ANKDD1A: variants seen among roughly 807,000 people sequenced by gnomAD.
ANKDD1A encodes ankyrin repeat and death domain containing 1A.
A neutral mutation model predicts 63.5 loss-of-function variants in ANKDD1A; 59 were observed. The ratio of observed to expected loss-of-function variants is 0.93; its 90% CI spans 0.75 to 1.15. The LOEUF is 1.15. ANKDD1A is among the 50% of genes most tolerant of loss of function. The pLI, the probability that ANKDD1A is intolerant of heterozygous loss-of-function variation, is 0.00. For synonymous variants in ANKDD1A, 266 were observed against 263.9 expected (o/e 1.01, Z -0.08); for missense variants, 632 against 656.4 (o/e 0.96, Z 0.41).
At chr15:64,956,493 C>A (rs926209277) in intron 14 of ANKDD1A, among the ~76,000 whole-genome samples, 1 of 152,112 alleles carries the variant, frequency 6.6e-6, no homozygotes, top group Non-Finnish European at 1.5e-5. Flanking sequence ...ACAGAGCTTG[C>A]AGTGAGCCGA....
chr15:64,915,637 T>C (rs1421178989), intron 1 of ANKDD1A, among the ~76,000 whole-genome samples, 160 bp from the exon 2 acceptor site: 4 of 152,170 alleles, frequency 2.6e-5, no homozygotes, highest in African/African-American at 7.2e-5. Context: ...GGGAGGACCC[T>C]GACCTTGAGA....
chr15:64,928,108 C>T (rs1385387581), intron 6 of ANKDD1A, among the ~76,000 whole-genome samples: 1 of 152,142 alleles, frequency 6.6e-6, no homozygotes, highest in Non-Finnish European at 1.5e-5. Context: ...AAACTGATGC[C>T]CAGAGAGGGA....
At chr15:64,948,465 A>C (rs1381535853) in intron 13 of ANKDD1A, among the ~76,000 whole-genome samples, 2 of 152,188 alleles carry the variant, frequency 1.3e-5, no homozygotes, top group Non-Finnish European at 2.9e-5. Context: ...TTCTGGGGGA[A>C]AACAATAAAG....
chr15:64,927,661 G>A (rs2085056776), intron 6 of ANKDD1A, among the ~76,000 whole-genome samples: 1 of 146,202 alleles, frequency 6.8e-6, no homozygotes, highest in Non-Finnish European at 1.5e-5. Flanking sequence ...CTGGAGTGCA[G>A]TGGCGCTGTC....
At chr15:64,950,066 C>T (rs1237360548) in intron 14 of ANKDD1A, 94 bp downstream of exon 14, 1 of 1,553,864 alleles carries the variant, frequency 6.4e-7, no homozygotes, top group African/African-American at 1.3e-5. Flanking sequence ...GACAAGAATG[C>T]TGTGATGCTG....
intron 14 of ANKDD1A, among the ~76,000 whole-genome samples, chr15:64,953,317 T>C (rs985164878): frequency 1.9e-4 from 28 of 151,086 alleles, no homozygotes; most frequent in African/African-American, 6.0e-4. Context: ...CTTTTTTCTT[T>C]CTTCTTTCCT....
intron 14 of ANKDD1A, among the ~76,000 whole-genome samples, chr15:64,951,967 CTT>C (rs1555397507): frequency 6.9e-6 from 1 of 145,482 alleles, no homozygotes; most frequent in Non-Finnish European, 1.5e-5. Context: ...TTCTGCTCTT[CTT>C]TCTTCTTCCT....
At chr15:64,954,083 CTTCTT>C (rs2085373996) in intron 14 of ANKDD1A, among the ~76,000 whole-genome samples, 1 of 114,824 alleles carries the variant, frequency 8.7e-6, no homozygotes, top group Non-Finnish European at 1.8e-5. Flanking sequence ...CTCTTTTCTT[CTTCTT>C]TCTCCTCCCT....
In ANKDD1A at chr15:64,957,090, C is replaced by T. The variant is rs1456243610; in HGVS notation, c.1484-13C>T. On this transcript the variant is annotated splice_polypyrimidine_tract_variant and intron_variant, in intron 14 of 14. Transcript: ENST00000319580. Reference sequence around the variant, plus strand: ...TGTTTTGTTTTTTGAGACAGTCTTGCTCTCTCACCCAGGCTGGAGTACAAT... The same window carrying T: ...TGTTTTGTTTTTTGAGACAGTCTTGTTCTCTCACCCAGGCTGGAGTACAAT... The T allele has an allele frequency of 4.5e-6, 2 of 449,092 alleles. No individual in the cohort carries two copies. Among genetic ancestry groups the T allele is most frequent in the Non-Finnish European group, 8.9e-6 (2 of 224,994 alleles). 27.8% of individuals were successfully genotyped at this position (449,092 alleles called of 1,614,324 possible).
chr15:64,919,488 T>A (rs899853208), intron 3 of ANKDD1A, among the ~76,000 whole-genome samples: 1 of 152,222 alleles, frequency 6.6e-6, no homozygotes, highest in Non-Finnish European at 1.5e-5. Flanking sequence ...GTCCCCATCT[T>A]GGATGATAGA....
chr15:64,953,532 TCCTCTC>T (rs1566917599), intron 14 of ANKDD1A, among the ~76,000 whole-genome samples: 23 of 89,202 alleles, frequency 2.6e-4, no homozygotes, highest in African/African-American at 8.9e-4. Flanking sequence ...TTCCTTCTTC[TCCTCTC>T]CTTCTTCCTT....
chr15:64,952,405 T>C (rs1244847748), intron 14 of ANKDD1A, among the ~76,000 whole-genome samples: 1 of 5,550 alleles, frequency 1.8e-4, no homozygotes, highest in African/African-American at 2.4e-4. Flanking sequence ...TCCTCCTTCT[T>C]CTTCTTCTCC....
chr15:64,943,682 T>C lies in ANKDD1A; in HGVS notation c.1065+100T>C, dbSNP rs570896003. ...CCCCTCCCTCCTCCTTCTCAGGGTGTTCAAGGACTGTCATCCTTTCTATAC... is the reference window on the plus strand; with the variant it reads ...CCCCTCCCTCCTCCTTCTCAGGGTGCTCAAGGACTGTCATCCTTTCTATAC... On this transcript the variant is annotated intron_variant, in intron 11 of 14. Coordinates refer to ENST00000319580, the MANE Select transcript of ANKDD1A (RefSeq NM_182703.6). The C allele has an allele frequency of 2.7e-6, 3 of 1,130,308 alleles. No individual in the cohort carries two copies. In the South Asian group the frequency reaches 3.8e-5, roughly 14 times the overall value. 70.0% of individuals were successfully genotyped at this position (1,130,308 alleles called of 1,614,324 possible). A position where few individuals can be genotyped will look rare whatever the true frequency, so the allele number is the denominator to read the frequency against.
chr15:64,950,185 C>T (rs1428599955), intron 14 of ANKDD1A: 3 of 985,262 alleles, frequency 3.0e-6, no homozygotes, highest in Admixed American at 6.2e-5. Flanking sequence ...GGGTGTTGGC[C>T]CAAACTGAAC....
In ANKDD1A at chr15:64,958,471, T is replaced by A. The variant is rs1408498112; in HGVS notation, c.*1283T>A. 6.6e-6 allele frequency: 1 copy of A among 152,104 alleles called. No individual in the cohort carries two copies. Among genetic ancestry groups the A allele is most frequent in the Non-Finnish European group, 1.5e-5 (1 of 68,032 alleles). 9.4% of individuals were successfully genotyped at this position (152,104 alleles called of 1,614,324 possible). On this transcript the variant is annotated 3_prime_UTR_variant, in exon 15 of 15. Coordinates refer to ENST00000319580, the MANE Select transcript of ANKDD1A (RefSeq NM_182703.6). ...CTCAATTTTTCTCTAAACCTAAAAC[T>A]GTTCTAAAATAGAAAGTCTGTGAAA...
intron 14 of ANKDD1A, chr15:64,950,722 A>ACGGGGGGGGGGGG: frequency 1.1e-6 from 1 of 941,252 alleles, no homozygotes; most frequent in Non-Finnish European, 1.2e-6. Context: ...AGGGAAAAGA[A>ACGGGGGGGGGGGG]AGGACCGCCC....
chr15:64,942,623 T>C, intron 10 of ANKDD1A, 58 bp downstream of exon 10: 1 of 1,410,436 alleles, frequency 7.1e-7, no homozygotes, highest in Non-Finnish European at 9.8e-7. Context: ...CCTCCCAGGC[T>C]GGCAGGCTTG....
intron 9 of ANKDD1A, among the ~76,000 whole-genome samples, chr15:64,940,280 C>T (rs2140377687): frequency 6.6e-6 from 1 of 152,230 alleles, no homozygotes; most frequent in South Asian, 2.1e-4. Flanking sequence ...CCATGATATA[C>T]TACTTTTCAG....
chr15:64,952,154 TTTC>T (rs202190971), intron 14 of ANKDD1A, among the ~76,000 whole-genome samples: 226 of 150,842 alleles, frequency 1.5e-3, no homozygotes, highest in African/African-American at 4.2e-3. Flanking sequence ...CTTCTTCCTC[TTTC>T]TTCATCTTTT....
Sources: allele counts gnomAD v4.1 joint callset (sites outside exome capture counted in the v4.1 genomes callset), GRCh38; gene constraint gnomAD v4.1.1; transcripts MANE v1.5; gene names NCBI Gene and HGNC (gene_info 2026-07-23, HGNC 2026-07-21).